NBEA: variants seen among roughly 807,000 people sequenced by gnomAD.
NBEA encodes the protein lysosomal-trafficking regulator 2.
Under a neutral mutation model 343.4 loss-of-function variants are expected in NBEA, and 44 were observed. That is an observed-to-expected ratio of 0.13 (90% CI 0.10 to 0.16). The LOEUF (loss-of-function observed/expected upper bound fraction) is 0.16, where lower values mean the gene tolerates loss of function less well. Among genes scored for constraint, NBEA ranks in the 10% least tolerant of loss-of-function variants. NBEA has a pLI of 1.00. For synonymous variants in NBEA, 1,175 were observed against 1,238.7 expected, an observed-to-expected ratio of 0.95 and a Z score of 1.08; for missense variants, 2,555 against 3,631.3, an observed-to-expected ratio of 0.70 and a Z score of 7.62.
chr13:34,990,001 A>G (rs925192716), intron 1 of NBEA, among the ~76,000 whole-genome samples: 6 of 151,330 alleles, frequency 4.0e-5, no homozygotes, highest in Non-Finnish European at 7.4e-5. Flanking sequence ...CTTTGACTCC[A>G]TGTCTCACAT....
chr13:35,422,537 C>T (rs1015897392), intron 38 of NBEA, among the ~76,000 whole-genome samples: 1 of 152,190 alleles, frequency 6.6e-6, no homozygotes, highest in African/African-American at 2.4e-5. Flanking sequence ...TTTTCTTAAT[C>T]CAGTCTATCG....
intron 10 of NBEA, among the ~76,000 whole-genome samples, chr13:35,077,605 C>T (rs1373542498): frequency 6.6e-6 from 1 of 152,126 alleles, no homozygotes; most frequent in African/African-American, 2.4e-5. Flanking sequence ...CTGCCTTAGT[C>T]TAGGTTCCCA....
At chr13:35,224,295 G>A (rs569180221) in intron 33 of NBEA, among the ~76,000 whole-genome samples, 1 of 152,212 alleles carries the variant, frequency 6.6e-6, no homozygotes, top group South Asian at 2.1e-4. Context: ...AAAGATTCCA[G>A]GGATTATGGT....
At chr13:35,347,704 C>T (rs1199275513) in intron 36 of NBEA, among the ~76,000 whole-genome samples, 2 of 152,014 alleles carry the variant, frequency 1.3e-5, no homozygotes, top group Non-Finnish European at 1.5e-5. Flanking sequence ...CCTCCATCTC[C>T]TCCATGATCA....
At chr13:35,317,537 A>G (rs532454785) in intron 36 of NBEA, among the ~76,000 whole-genome samples, 69 of 152,260 alleles carry the variant, frequency 4.5e-4, no homozygotes, top group Non-Finnish European at 8.4e-4. Context: ...GTCAGGTAGC[A>G]TGATGCCTCC....
chr13:35,587,020 A>G (rs990615325), intron 46 of NBEA, among the ~76,000 whole-genome samples: 3 of 152,216 alleles, frequency 2.0e-5, no homozygotes, highest in Non-Finnish European at 4.4e-5. Context: ...CAAGAATACA[A>G]AAAAACTAAT....
chr13:35,042,759 A>G (rs2062701495), intron 2 of NBEA, among the ~76,000 whole-genome samples: 1 of 151,846 alleles, frequency 6.6e-6, no homozygotes, highest in Non-Finnish European at 1.5e-5. Context: ...AGGATATGAG[A>G]AAAGAGAATA....
intron 12 of NBEA, among the ~76,000 whole-genome samples, 194 bp downstream of exon 12, chr13:35,109,636 A>G (rs1187536135): frequency 6.6e-6 from 1 of 152,154 alleles, no homozygotes; most frequent in Non-Finnish European, 1.5e-5. Flanking sequence ...TAGGTAAAAA[A>G]GAATCTTTGT....
intron 34 of NBEA, among the ~76,000 whole-genome samples, chr13:35,246,060 G>A (rs546752690): frequency 6.6e-5 from 10 of 152,094 alleles, no homozygotes; most frequent in Non-Finnish European, 8.8e-5. Context: ...TGTTTCTTCT[G>A]CATTTTCAAT....
At chr13:35,180,449 A>G (rs2071234697) in intron 28 of NBEA, among the ~76,000 whole-genome samples, 1 of 151,580 alleles carries the variant, frequency 6.6e-6, no homozygotes, top group African/African-American at 2.4e-5. Flanking sequence ...TATTTTTGGA[A>G]AGCATACTTA....
chr13:35,387,394 T>C (rs1486108540), intron 38 of NBEA, among the ~76,000 whole-genome samples: 1 of 152,164 alleles, frequency 6.6e-6, no homozygotes, highest in African/African-American at 2.4e-5. Flanking sequence ...TTTCCCTTTT[T>C]TTCTTTTTAT....
chr13:35,309,382 A>G (rs2037205787), intron 35 of NBEA, 146 bp from the exon 36 acceptor site: 1 of 582,188 alleles, frequency 1.7e-6, no homozygotes, highest in Admixed American at 3.8e-5. Context: ...TTTTTTACAA[A>G]ATAATATTCA....
At position 35,259,368 on chromosome 13, in the gene NBEA, A is replaced by G. The variant is rs183695362; in HGVS notation, c.5776+26749A>G. Among the ~76,000 whole-genome samples, 6 of 152,268 alleles carry G rather than the reference A, an allele frequency of 3.9e-5. No individual in the cohort carries two copies. In the South Asian group the frequency reaches 1.0e-3, roughly 26 times the overall value. On this transcript the variant is annotated intron_variant, in intron 34 of 58. Transcript: ENST00000379939. ...GTTTTCATCAATTTTGTTAACAGGT[A>G]TCATTTTCAGTTATTTGCATAATTT...
intron 1 of NBEA, among the ~76,000 whole-genome samples, chr13:34,952,215 A>G (rs2059371356): frequency 6.6e-6 from 1 of 152,110 alleles, no homozygotes. Context: ...ATGTATGAAG[A>G]GATGATGTTG....
intron 1 of NBEA, among the ~76,000 whole-genome samples, chr13:34,977,024 T>C (rs1202586191): frequency 6.0e-5 from 9 of 151,222 alleles, no homozygotes; most frequent in Admixed American, 5.9e-4. Context: ...CACCGTAACG[T>C]CTGCCTCCCA....
intron 36 of NBEA, among the ~76,000 whole-genome samples, chr13:35,326,870 A>C (rs550622608): frequency 6.6e-6 from 1 of 152,186 alleles, no homozygotes; most frequent in East Asian, 1.9e-4. Flanking sequence ...ATGGGAGAAA[A>C]TATTCACAAA....
intron 49 of NBEA, among the ~76,000 whole-genome samples, chr13:35,631,820 A>T (rs1286311291): frequency 6.6e-6 from 1 of 152,204 alleles, no homozygotes; most frequent in Non-Finnish European, 1.5e-5. Context: ...AGAGGTCAGA[A>T]TAACAGATAA....
chr13:35,074,777 T>C (rs538335018), intron 10 of NBEA, among the ~76,000 whole-genome samples: 215 of 152,290 alleles, frequency 1.4e-3, no homozygotes, highest in Non-Finnish European at 2.7e-3. Flanking sequence ...TGAAGCAAAT[T>C]AACATGTCTG....
At chr13:35,437,977 C>T (rs1231204383) in intron 39 of NBEA, among the ~76,000 whole-genome samples, 1 of 152,030 alleles carries the variant, frequency 6.6e-6, no homozygotes, top group Non-Finnish European at 1.5e-5. Flanking sequence ...GCCTCTGTTG[C>T]CCTTTCATAA....
Sources: gnomAD v4.1 joint callset for allele counts (sites outside exome capture counted in the v4.1 genomes callset) on GRCh38, gnomAD v4.1.1 for gene constraint, MANE v1.5 for transcripts, NCBI Gene and HGNC (gene_info 2026-07-23, HGNC 2026-07-21) for gene names.